Variants in CUBN observed in about 807,000 individuals in gnomAD.
CUBN encodes cubilin, also known as 460 kDa receptor.
A neutral mutation model predicts 405.3 loss-of-function variants in CUBN; 282 were observed. The observed-to-expected ratio is 0.70, with a 90% confidence interval of 0.63 to 0.77. The LOEUF (loss-of-function observed/expected upper bound fraction) is 0.77, where lower values mean the gene tolerates loss of function less well. CUBN is among the 30% of genes least tolerant of loss of function. The pLI, the probability that CUBN is intolerant of heterozygous loss-of-function variation, is 0.00. For missense variants in CUBN, 4,514 were observed against 4,475.2 expected (o/e 1.01, Z -0.25); for synonymous variants, 1,684 against 1,617.0 (o/e 1.04, Z -0.99).
intron 31 of CUBN, among the ~76,000 whole-genome samples, chr10:16,967,822 GGA>G (rs201131222): frequency 1.4e-4 from 19 of 137,122 alleles, no homozygotes; most frequent in Non-Finnish European, 2.6e-4. Flanking sequence ...AGAGACAGAG[GGA>G]GAGAGAGAGA....
At chr10:16,878,618 T>C (rs1237568190) in intron 56 of CUBN, among the ~76,000 whole-genome samples, 1 of 152,190 alleles carries the variant, frequency 6.6e-6, no homozygotes, top group African/African-American at 2.4e-5. Flanking sequence ...CGACTTACTC[T>C]CCCACAACAT....
In CUBN at chr10:16,900,724, T is replaced by C; in HGVS notation, c.8311A>G (p.Thr2771Ala). ...GQYCGNSNPR[T>A]IQSGSNQLVV... ...AGCTGATTGGAACCTGACTGTATTG[T>C]CCTGGGGTTTGAATTTCCACAGTAT... The change falls in exon 53 of 67, where the codon ACA becomes GCA. Residue 2771 changes from threonine (T) to alanine (A), a missense_variant. Around this residue, in one of 5 missense-constraint regions of CUBN, gnomAD observed 1,186 missense variants for 1,186.9 expected, o/e 1.00. Transcript: ENST00000377833. The C allele has an allele frequency of 6.2e-7, 1 of 1,614,166 alleles. No individual in the cohort carries two copies. The highest frequency in any genetic ancestry group is 8.5e-7 in the Non-Finnish European group (1 of 1,180,020).
intron 6 of CUBN, among the ~76,000 whole-genome samples, chr10:17,116,207 A>G (rs1347364141): frequency 6.6e-6 from 1 of 152,260 alleles, no homozygotes; most frequent in African/African-American, 2.4e-5. Context: ...TAATTATTAC[A>G]CTATGCGTAA....
Position 16,933,147 on chromosome 10 carries a change from G to A in CUBN, c.6064C>T (p.Leu2022Phe). The A allele has an allele frequency of 6.2e-7, 1 of 1,614,076 alleles. No individual in the cohort carries two copies. The highest frequency in any genetic ancestry group is 8.5e-7 in the Non-Finnish European group (1 of 1,180,006). The change falls in exon 40 of 67, where the codon CTT becomes TTT. Residue 2022 changes from leucine to phenylalanine, a missense_variant. Physicochemically the swap from Leu to Phe is conservative, Grantham distance 22. Transcript: ENST00000377833. ...APDSTVELNI[L>F]SLDIESHRTC... ...CGGTGAGATTCAATGTCCAGGGAAA[G>A]AATGTTGAGTTCCACGGTAGAGTCG...
chr10:16,843,960 T>A (rs1040053608), intron 60 of CUBN, among the ~76,000 whole-genome samples: 1 of 152,116 alleles, frequency 6.6e-6, no homozygotes, highest in Non-Finnish European at 1.5e-5. Context: ...GGGTTGGCCC[T>A]TAAATGTAAG....
At chr10:16,943,663 T>C (rs932791585) in intron 36 of CUBN, among the ~76,000 whole-genome samples, 2 of 152,216 alleles carry the variant, frequency 1.3e-5, no homozygotes, top group African/African-American at 4.8e-5. Flanking sequence ...CTATGCAAAG[T>C]GCATAATCCA....
At position 16,832,294 on chromosome 10, in the gene CUBN, A is replaced by T. The variant is rs181822832; in HGVS notation, c.10363-877T>A. On this transcript the variant is annotated intron_variant, in intron 64 of 66. Coordinates refer to ENST00000377833, the MANE Select transcript of CUBN (RefSeq NM_001081.4). Reference sequence around the variant, plus strand: ...TTTTACTGATCTATGTATTCAAAATATTGGAAGTTCCTCTGTTCCCTATAT... The same window carrying T: ...TTTTACTGATCTATGTATTCAAAATTTTGGAAGTTCCTCTGTTCCCTATAT... 3.0e-3 allele frequency among the ~76,000 whole-genome samples: 461 copies of T among 152,308 alleles called. 2 individuals carry two copies. The highest frequency in any genetic ancestry group is 0.011 in the African/African-American group (439 of 41,562).
intron 56 of CUBN, among the ~76,000 whole-genome samples, chr10:16,881,546 C>T (rs1456345850): frequency 6.6e-6 from 1 of 152,116 alleles, no homozygotes; most frequent in Non-Finnish European, 1.5e-5. Flanking sequence ...TTGTAGATGG[C>T]AATAGAATAT....
chr10:16,855,237 T>G (rs541733431), intron 59 of CUBN, among the ~76,000 whole-genome samples: 2 of 151,968 alleles, frequency 1.3e-5, no homozygotes, highest in South Asian at 4.2e-4. Flanking sequence ...CATGCCACCA[T>G]GCCCAGCTTA....
rs556288126 is a variant in CUBN at position 17,094,114 on chromosome 10, C to T, written c.1766-5769G>A. Among the ~76,000 whole-genome samples, 21 of 152,026 alleles carry T rather than the reference C, an allele frequency of 1.4e-4. No homozygotes were observed. In the East Asian group the frequency reaches 1.7e-3, roughly 13 times the overall value. ...ACACAGAGAAAACCAGATCTAGATA[C>T]GCCATAATCAAGTTGTGGAAAATTA... On this transcript the variant is annotated intron_variant, in intron 14 of 66. Coordinates refer to ENST00000377833, the MANE Select transcript of CUBN (RefSeq NM_001081.4).
intron 19 of CUBN, 102 bp downstream of exon 19, chr10:17,071,324 A>G (rs1449687217): frequency 4.0e-6 from 5 of 1,260,872 alleles, no homozygotes; most frequent in Middle Eastern, 4.9e-4. Context: ...ATTGGTCTAC[A>G]TAAACTACTT....
At chr10:16,847,248 C>T (rs912285789) in intron 60 of CUBN, among the ~76,000 whole-genome samples, 2 of 152,124 alleles carry the variant, frequency 1.3e-5, no homozygotes, top group South Asian at 2.1e-4. Flanking sequence ...GTCAGGACAT[C>T]GAGACCATCT....
intron 40 of CUBN, among the ~76,000 whole-genome samples, chr10:16,930,074 CATATAG>C (rs1842319096): frequency 6.6e-6 from 1 of 152,180 alleles, no homozygotes; most frequent in African/African-American, 2.4e-5. Flanking sequence ...AAAACCTCAA[CATATAG>C]ATTGCAGAAA....
intron 62 of CUBN, among the ~76,000 whole-genome samples, chr10:16,838,589 A>C (rs1839247077): frequency 6.6e-6 from 1 of 152,222 alleles, no homozygotes; most frequent in East Asian, 1.9e-4. Context: ...CTGTCTCCTC[A>C]ACATCTTATT....
At chr10:16,904,416 A>C (rs1001965875) in intron 50 of CUBN, among the ~76,000 whole-genome samples, 5 of 152,256 alleles carry the variant, frequency 3.3e-5, no homozygotes, top group Non-Finnish European at 7.3e-5. Flanking sequence ...GATACAATGA[A>C]TTAAAATAGC....
chr10:16,928,719 AG>A (rs1358644718), intron 40 of CUBN, among the ~76,000 whole-genome samples: 5 of 151,822 alleles, frequency 3.3e-5, no homozygotes, highest in Non-Finnish European at 7.4e-5. Flanking sequence ...TAGTAGAGGC[AG>A]GGGTTTTACC....
rs943405669 is a variant in CUBN at position 17,088,256 on chromosome 10, T to C, written c.1855A>G (p.Ile619Val). ...AGGAGGTCAGGACTAGTTACAACAA[T>C]CCAGACACAATCTCTTCCTGGGGGA... Reference protein sequence around the residue: ...NYPPGRDCVWIVVTSPDLLVT... With the variant: ...NYPPGRDCVWVVVTSPDLLVT... Residue 619 changes from isoleucine (I) to valine (V), a missense_variant, in exon 15 of 67, where the codon ATT (isoleucine) becomes GTT (valine). Physicochemically the swap from Ile to Val is conservative, Grantham distance 29 (BLOSUM62 3). This residue lies in a region of CUBN where 1,448 missense variants were observed against 1,388.0 expected (regional missense o/e 1.04). Coordinates refer to ENST00000377833, the MANE Select transcript of CUBN (RefSeq NM_001081.4). 17 of 1,613,564 alleles carry C rather than the reference T, an allele frequency of 1.1e-5. No homozygotes were observed. In the African/African-American group the frequency reaches 2.1e-4, roughly 20 times the overall value.
At chr10:17,086,204 T>A (rs887449902) in intron 15 of CUBN, among the ~76,000 whole-genome samples, 1 of 152,128 alleles carries the variant, frequency 6.6e-6, no homozygotes, top group Non-Finnish European at 1.5e-5. Flanking sequence ...GACCTCATGA[T>A]CTGACCATCT....
At position 17,052,171 on chromosome 10, in the gene CUBN, C is replaced by A. The variant is rs547145213; in HGVS notation, c.3140-4568G>T. 2.0e-5 allele frequency among the ~76,000 whole-genome samples: 3 copies of A among 152,144 alleles called. No homozygotes were observed. In the South Asian group the frequency reaches 6.2e-4, roughly 32 times the overall value. On this transcript the variant is annotated intron_variant, in intron 22 of 66. Transcript: ENST00000377833. ...CTTTAAAATGTTGAGATGGGGAAAA[C>A]AGGTTTAAATATCCAGCAAAACTAC... is the stretch of plus-strand genomic sequence containing the variant.
Sources: allele counts gnomAD v4.1 joint callset (sites outside exome capture counted in the v4.1 genomes callset), GRCh38; gene constraint gnomAD v4.1.1; regional missense constraint gnomAD v4.1.1; transcripts MANE v1.5; gene names NCBI Gene and HGNC (gene_info 2026-07-23, HGNC 2026-07-21).